Variants in UNC5C observed in about 807,000 individuals in gnomAD.
UNC5C encodes the protein netrin receptor UNC5C.
A neutral mutation model predicts 99.8 loss-of-function variants in UNC5C; 47 were observed. The ratio of observed to expected loss-of-function variants is 0.47; its 90% CI spans 0.37 to 0.60. The LOEUF (loss-of-function observed/expected upper bound fraction) is 0.60, where lower values mean the gene tolerates loss of function less well. Ranked by LOEUF, UNC5C falls within the 20% of genes least tolerant of loss-of-function variation. The pLI is 0.00. For missense variants in UNC5C, 1,062 were observed against 1,165.9 expected, an observed-to-expected ratio of 0.91 and a Z score of 1.30; for synonymous variants, 487 against 452.2, an observed-to-expected ratio of 1.08 and a Z score of -0.98.
intron 1 of UNC5C, among the ~76,000 whole-genome samples, chr4:95,448,737 T>TA (rs1250083215): frequency 6.6e-6 from 1 of 152,292 alleles, no homozygotes; most frequent in African/African-American, 2.4e-5. Context: ...CTAATGTCAT[T>TA]ACACCTGGGA....
intron 1 of UNC5C, among the ~76,000 whole-genome samples, chr4:95,475,752 T>C (rs1387368226): frequency 6.6e-6 from 1 of 152,086 alleles, no homozygotes. Flanking sequence ...ACATCACATG[T>C]CAGCTTTTCC....
At chr4:95,383,323 T>G (rs1745125006) in intron 1 of UNC5C, among the ~76,000 whole-genome samples, 1 of 152,078 alleles carries the variant, frequency 6.6e-6, no homozygotes. Flanking sequence ...TCCAAACTAA[T>G]GAGCAGATCT....
At chr4:95,541,073 C>A (rs752856009) in intron 1 of UNC5C, among the ~76,000 whole-genome samples, 1 of 152,084 alleles carries the variant, frequency 6.6e-6, no homozygotes, top group Non-Finnish European at 1.5e-5. Context: ...TATGCAAATT[C>A]ATAGAGAATA....
intron 14 of UNC5C, among the ~76,000 whole-genome samples, chr4:95,179,773 A>ATGAC (rs549773709): frequency 1.3e-5 from 2 of 150,836 alleles, no homozygotes; most frequent in African/African-American, 4.8e-5. Flanking sequence ...AAAGAAAAAG[A>ATGAC]TGACTGACTA....
At chr4:95,236,381 G>A (rs1172535828) in intron 7 of UNC5C, among the ~76,000 whole-genome samples, 10 of 149,234 alleles carry the variant, frequency 6.7e-5, no homozygotes, top group Non-Finnish European at 1.0e-4. Context: ...GGAATTGAAC[G>A]ATGAGAACAC....
At position 95,286,870 on chromosome 4, in the gene UNC5C, A is replaced by G. The variant is rs1741255951; in HGVS notation, c.491-8508T>C. ...AGTTGGTAATATGGAGTTTTATGAG[A>G]TTTTTTTTTCTAACTGTATATGTTG... On this transcript the variant is annotated intron_variant, in intron 3 of 15. Coordinates refer to ENST00000453304, the MANE Select transcript of UNC5C (RefSeq NM_003728.4). Among the ~76,000 whole-genome samples the G allele has an allele frequency of 2.0e-5, 3 of 151,720 alleles. No individual in the cohort carries two copies. The South Asian group carries it at 6.3e-4, about 32-fold the overall frequency.
intron 1 of UNC5C, among the ~76,000 whole-genome samples, chr4:95,463,485 T>C (rs548478988): frequency 6.6e-6 from 1 of 151,636 alleles, no homozygotes; most frequent in East Asian, 1.9e-4. Flanking sequence ...GAACCCATCC[T>C]AATGGAAAGC....
intron 1 of UNC5C, among the ~76,000 whole-genome samples, chr4:95,401,528 A>C (rs1745697826): frequency 6.6e-6 from 1 of 152,044 alleles, no homozygotes; most frequent in Non-Finnish European, 1.5e-5. Flanking sequence ...GTTGGTCTTG[A>C]ACTGCTGGGC....
intron 1 of UNC5C, 104 bp downstream of exon 1, chr4:95,548,630 C>A: frequency 1.4e-6 from 2 of 1,407,166 alleles, no homozygotes; most frequent in South Asian, 3.2e-5. Flanking sequence ...CAGTTGAAAG[C>A]AACGAGGCAA....
At chr4:95,224,817 A>T (rs1293152460) in intron 7 of UNC5C, among the ~76,000 whole-genome samples, 4 of 152,008 alleles carry the variant, frequency 2.6e-5, no homozygotes, top group Non-Finnish European at 5.9e-5. Context: ...GTGTTTGGAG[A>T]TATCAGGATG....
chr4:95,374,924 A>G (rs1744850879), intron 1 of UNC5C, among the ~76,000 whole-genome samples: 1 of 152,238 alleles, frequency 6.6e-6, no homozygotes, highest in Admixed American at 6.5e-5. Flanking sequence ...CTAAATTATA[A>G]TAACATCGCA....
rs3069166 is a variant in UNC5C at position 95,421,619 on chromosome 4, T to TACACACACACACACACACAC, written c.125-86008_125-85989dup. ...CATACTCCTACTATACACTCTCTTT[T>TACACACACACACACACACAC]ACACACACACACACACACACACACT... On this transcript the variant is annotated intron_variant, in intron 1 of 15. Transcript: ENST00000453304. Among the ~76,000 whole-genome samples the TACACACACACACACACACAC allele has an allele frequency of 6.2e-3, 929 of 149,632 alleles. 10 individuals carry two copies. The highest frequency in any genetic ancestry group is 0.015 in the African/African-American group (619 of 40,678).
At chr4:95,508,576 G>C (rs927863923) in intron 1 of UNC5C, among the ~76,000 whole-genome samples, 3 of 151,778 alleles carry the variant, frequency 2.0e-5, no homozygotes, top group African/African-American at 7.3e-5. Flanking sequence ...TTCATGCTGT[G>C]ACTCATTATG....
At chr4:95,531,857 AT>A (rs1722653118) in intron 1 of UNC5C, among the ~76,000 whole-genome samples, 1 of 152,332 alleles carries the variant, frequency 6.6e-6, no homozygotes, top group South Asian at 2.1e-4. Flanking sequence ...CCATAGGGTG[AT>A]TTTTGGCACA....
rs192358494 is a variant in UNC5C at position 95,498,635 on chromosome 4, A to T, written c.124+50099T>A. 5.7e-3 allele frequency among the ~76,000 whole-genome samples: 859 copies of T among 151,990 alleles called. 9 individuals are homozygous for T. Among genetic ancestry groups the T allele is most frequent in the Non-Finnish European group, 7.0e-3 (476 of 67,918 alleles). ...AATCTCTACATATTTATAAAATTTTAAAAACAGTGAAAAACCCCTTCTGTT... is the reference window on the plus strand; with the variant it reads ...AATCTCTACATATTTATAAAATTTTTAAAACAGTGAAAAACCCCTTCTGTT... On this transcript the variant is annotated intron_variant, in intron 1 of 15. Coordinates refer to ENST00000453304, the MANE Select transcript of UNC5C (RefSeq NM_003728.4).
At chr4:95,448,525 C>A (rs993374471) in intron 1 of UNC5C, among the ~76,000 whole-genome samples, 2 of 152,000 alleles carry the variant, frequency 1.3e-5, no homozygotes, top group Admixed American at 1.3e-4. Flanking sequence ...CATAATGGAT[C>A]GAGTTAAGGA....
At chr4:95,446,999 T>C (rs1406269805) in intron 1 of UNC5C, among the ~76,000 whole-genome samples, 1 of 152,150 alleles carries the variant, frequency 6.6e-6, no homozygotes, top group Non-Finnish European at 1.5e-5. Flanking sequence ...CTTTCTCTGT[T>C]TGACCTAATC....
intron 1 of UNC5C, among the ~76,000 whole-genome samples, chr4:95,472,911 A>G (rs2149474997): frequency 6.6e-6 from 1 of 152,108 alleles, no homozygotes; most frequent in East Asian, 1.9e-4. Flanking sequence ...AAATCTAAAA[A>G]AAAAAAAATG....
chr4:95,499,317 C>T (rs543921268), intron 1 of UNC5C, among the ~76,000 whole-genome samples: 1 of 152,166 alleles, frequency 6.6e-6, no homozygotes, highest in East Asian at 1.9e-4. Flanking sequence ...ACCACTCAGC[C>T]CCTGCCCTGT....
Sources: allele counts gnomAD v4.1 joint callset (sites outside exome capture counted in the v4.1 genomes callset), GRCh38; gene constraint gnomAD v4.1.1; transcripts MANE v1.5; gene names NCBI Gene and HGNC (gene_info 2026-07-23, HGNC 2026-07-21).